The following RERE variants were observed in gnomAD, a reference collection of about 807,000 sequenced individuals.
The protein encoded by RERE is arginine-glutamic acid dipeptide repeats, also known as arginine-glutamic acid dipeptide repeats protein.
In RERE, 40 loss-of-function variants were observed where a neutral mutation model predicts 146.1. The observed-to-expected ratio is 0.27, with a 90% CI of 0.21 to 0.36. The LOEUF (loss-of-function observed/expected upper bound fraction) is 0.36. Ranked by LOEUF, RERE falls within the 10% of genes least tolerant of loss-of-function variation. The probability of loss-of-function intolerance (pLI) is 1.00; values close to 1 mark genes in which losing one functional copy is unlikely to be tolerated. For missense variants in RERE, 1,933 were observed against 2,138.7 expected (o/e 0.90, Z 1.90); for synonymous variants, 1,003 against 866.0 (o/e 1.16, Z -2.78).
At chr1:8,701,376 T>C (rs973310469) in intron 1 of RERE, among the ~76,000 whole-genome samples, 1 of 151,586 alleles carries the variant, frequency 6.6e-6, no homozygotes, top group Non-Finnish European at 1.5e-5. Flanking sequence ...ATCACAACCA[T>C]GTAGATTGTA....
At position 8,495,120 on chromosome 1, in the gene RERE, T is replaced by C. The variant is rs778767472; in HGVS notation, c.1047A>G (p.Thr349=). 3 of 1,614,070 alleles carry C rather than the reference T, an allele frequency of 1.9e-6. No individual in the cohort carries two copies. The highest frequency in any genetic ancestry group is 4.5e-5 in the East Asian group (2 of 44,872). Residue 349 remains threonine, a synonymous_variant, in exon 10 of 23, where the codon ACA becomes ACG. Transcript: ENST00000400908. ...GAGAGGCTGCGACACAGCCGTCCTC[T>C]GTAGAGCCTCCATCACACATTCCTG... ...AFAGMCDGGS[T]EDGCVAASRD... is the part of the protein sequence containing the mutation.
intron 1 of RERE, among the ~76,000 whole-genome samples, chr1:8,778,407 C>T (rs550654892): frequency 5.0e-4 from 76 of 152,272 alleles, no homozygotes; most frequent in African/African-American, 1.7e-3. Context: ...AACTTCCTTC[C>T]AGAGGTCTCT....
intron 4 of RERE, among the ~76,000 whole-genome samples, chr1:8,565,428 C>T (rs536481943): frequency 3.1e-4 from 47 of 152,090 alleles, no homozygotes; most frequent in Non-Finnish European, 5.1e-4. Context: ...TAAGAATGCC[C>T]GGGCACCGTG....
At chr1:8,516,829 G>C (rs1244781565) in intron 7 of RERE, among the ~76,000 whole-genome samples, 1 of 152,144 alleles carries the variant, frequency 6.6e-6, no homozygotes, top group Non-Finnish European at 1.5e-5. Context: ...AAGTTTGAAA[G>C]TCATGATGAA....
chr1:8,814,535 C>A (rs1641874232), intron 1 of RERE, among the ~76,000 whole-genome samples: 1 of 152,174 alleles, frequency 6.6e-6, no homozygotes, highest in South Asian at 2.1e-4. Flanking sequence ...GAAAACAACA[C>A]TACTGCAATG....
At chr1:8,464,865 C>G (rs2124122789) in intron 11 of RERE, 1 of 152,356 alleles carries the variant, frequency 6.6e-6, no homozygotes, top group East Asian at 1.9e-4. Flanking sequence ...AAGGTCTCCC[C>G]TCTTAAAACT....
At chr1:8,609,957 T>C (rs1646771666) in intron 4 of RERE, among the ~76,000 whole-genome samples, 1 of 152,052 alleles carries the variant, frequency 6.6e-6, no homozygotes, top group Admixed American at 6.5e-5. Context: ...TTCGCAGAGA[T>C]GGGATTTCAC....
rs12036510 is a variant in RERE, at chr1:8,439,901, C to T, written c.1204-17094G>A. Among the ~76,000 whole-genome samples, 260 of 152,038 alleles carry T rather than the reference C, an allele frequency of 1.7e-3. 7 individuals are homozygous for T. The East Asian group carries it at 0.042, about 24-fold the overall frequency. ...CAGCCTGGCCAACACAGTGAAACCC[C>T]GTCTACACTAAAAATACAAAAAATT... On this transcript the variant is annotated intron_variant, in intron 11 of 22. Transcript: ENST00000400908.
intron 1 of RERE, among the ~76,000 whole-genome samples, chr1:8,752,839 A>G (rs999956167): frequency 3.3e-5 from 5 of 152,178 alleles, no homozygotes; most frequent in African/African-American, 4.8e-5. Flanking sequence ...ATATTACATT[A>G]CAAAGAAAAA....
At chr1:8,516,251 C>G (rs912561681) in intron 7 of RERE, among the ~76,000 whole-genome samples, 2 of 57,706 alleles carry the variant, frequency 3.5e-5, no homozygotes, top group South Asian at 8.8e-4. Flanking sequence ...AAAAAAAAAT[C>G]TAGGTGTATT....
intron 1 of RERE, among the ~76,000 whole-genome samples, chr1:8,766,952 A>G (rs1640861449): frequency 6.6e-6 from 1 of 152,252 alleles, no homozygotes; most frequent in Non-Finnish European, 1.5e-5. Flanking sequence ...ATTTAAACAG[A>G]ATTCAACTTG....
At chr1:8,517,525 T>C (rs982299713) in intron 7 of RERE, among the ~76,000 whole-genome samples, 9 of 152,344 alleles carry the variant, frequency 5.9e-5, no homozygotes, top group Admixed American at 2.6e-4. Context: ...AATTTCTCTG[T>C]GTAGCTAATG....
chr1:8,398,678 A>T (rs777945739), intron 12 of RERE, among the ~76,000 whole-genome samples: 9 of 152,212 alleles, frequency 5.9e-5, no homozygotes, highest in Admixed American at 2.0e-4. Flanking sequence ...CAACTCTGGA[A>T]GATCACCAGA....
At chr1:8,570,905 CTCCAGACAT>C (rs1350514836) in intron 4 of RERE, among the ~76,000 whole-genome samples, 1 of 152,190 alleles carries the variant, frequency 6.6e-6, no homozygotes, top group Non-Finnish European at 1.5e-5. Context: ...CAACCAAACA[CTCCAGACAT>C]TCCAGTAGAG....
intron 8 of RERE, among the ~76,000 whole-genome samples, chr1:8,501,370 G>A (rs1177862949): frequency 1.1e-5 from 1 of 89,104 alleles, no homozygotes; most frequent in Non-Finnish European, 2.1e-5. Context: ...CGCCCAGTCC[G>A]GGAGGAAGGT....
At chr1:8,373,507 C>A (rs914156814) in intron 12 of RERE, among the ~76,000 whole-genome samples, 2 of 152,072 alleles carry the variant, frequency 1.3e-5, no homozygotes, top group African/African-American at 4.8e-5. Context: ...AACAAGGCCT[C>A]AAATTATGTA....
At chr1:8,803,384 C>T (rs1010981696) in intron 1 of RERE, among the ~76,000 whole-genome samples, 9 of 151,952 alleles carry the variant, frequency 5.9e-5, no homozygotes, top group African/African-American at 2.2e-4. Context: ...GCAGGAGAAT[C>T]GCTTGAACCC....
intron 2 of RERE, among the ~76,000 whole-genome samples, chr1:8,644,155 A>G (rs1440639773): frequency 2.6e-5 from 4 of 152,356 alleles, no homozygotes; most frequent in Middle Eastern, 3.4e-3. Context: ...ATTGTGGGGA[A>G]TAACTTTAGC....
rs545948905 is a variant in RERE at position 8,379,571 on chromosome 1, C to T, written c.1285-13597G>A. Among the ~76,000 whole-genome samples the T allele has an allele frequency of 2.5e-3, 376 of 152,322 alleles. 2 individuals carry two copies. The highest frequency in any genetic ancestry group is 3.6e-3 in the Non-Finnish European group (247 of 68,030). Reference sequence around the variant, plus strand: ...GACTGTGATATGGGCTCCACGGATTCTCTCCTGGTCCATATCTAGGTCTCC... The same window carrying T: ...GACTGTGATATGGGCTCCACGGATTTTCTCCTGGTCCATATCTAGGTCTCC... On this transcript the variant is annotated intron_variant, in intron 12 of 22. Coordinates refer to ENST00000400908, the MANE Select transcript of RERE (RefSeq NM_001042681.2).
Sources: gnomAD v4.1 joint callset for allele counts (sites outside exome capture counted in the v4.1 genomes callset) on GRCh38, gnomAD v4.1.1 for gene constraint, MANE v1.5 for transcripts, NCBI Gene and HGNC (gene_info 2026-07-23, HGNC 2026-07-21) for gene names.